Variants in ILRUN observed in about 807,000 individuals in gnomAD.
ILRUN encodes inflammation and lipid regulator with UBA-like and NBR1-like domains.
A neutral mutation model predicts 33.8 loss-of-function variants in ILRUN; 3 were observed. The ratio of observed to expected loss-of-function variants is 0.09; its 90% CI spans 0.04 to 0.23. ILRUN has a LOEUF of 0.23. Ranked by LOEUF, ILRUN falls within the 10% of genes least tolerant of loss-of-function variation. The pLI is 1.00. For synonymous variants in ILRUN, 124 were observed against 138.9 expected, an observed-to-expected ratio of 0.89 and a Z score of 0.75; for missense variants, 210 against 375.1, an observed-to-expected ratio of 0.56 and a Z score of 3.64.
intron 3 of ILRUN, among the ~76,000 whole-genome samples, chr6:34,609,784 A>C (rs1335461068): frequency 1.3e-5 from 2 of 152,188 alleles, no homozygotes; most frequent in Non-Finnish European, 2.9e-5. Context: ...TTTCTCCTCT[A>C]AGAAGAGGAA....
intron 3 of ILRUN, among the ~76,000 whole-genome samples, chr6:34,633,938 G>C (rs1762302248): frequency 7.0e-6 from 1 of 143,382 alleles, no homozygotes; most frequent in Non-Finnish European, 1.5e-5. Context: ...ATCATACAAA[G>C]GATATTCTCT....
intron 3 of ILRUN, among the ~76,000 whole-genome samples, chr6:34,607,985 TG>T (rs1295757780): frequency 6.6e-6 from 1 of 151,786 alleles, no homozygotes; most frequent in African/African-American, 2.4e-5. Flanking sequence ...CCCAGCTACT[TG>T]GGGGACAGAG....
chr6:34,651,162 G>A (rs1562018219), intron 2 of ILRUN, among the ~76,000 whole-genome samples: 1 of 152,134 alleles, frequency 6.6e-6, no homozygotes, highest in Non-Finnish European at 1.5e-5. Context: ...CCAATTTATA[G>A]ATTAAAACTA....
At chr6:34,632,966 T>C (rs537571150) in intron 3 of ILRUN, among the ~76,000 whole-genome samples, 6 of 152,328 alleles carry the variant, frequency 3.9e-5, no homozygotes, top group African/African-American at 1.4e-4. Context: ...TTATATTAAA[T>C]GTGAATAGTC....
chr6:34,678,223 T>A (rs1763280967), intron 1 of ILRUN, among the ~76,000 whole-genome samples: 1 of 152,096 alleles, frequency 6.6e-6, no homozygotes, highest in Non-Finnish European at 1.5e-5. Context: ...TATTTTTTAG[T>A]AGAGACGGGG....
intron 2 of ILRUN, among the ~76,000 whole-genome samples, chr6:34,648,886 T>G (rs1329486749): frequency 6.6e-6 from 1 of 152,196 alleles, no homozygotes; most frequent in Non-Finnish European, 1.5e-5. Flanking sequence ...GTAAATAAGG[T>G]AAACCAAGAC....
At chr6:34,696,106 C>A (rs1338864847) in intron 1 of ILRUN, among the ~76,000 whole-genome samples, 2 of 152,108 alleles carry the variant, frequency 1.3e-5, no homozygotes, top group Non-Finnish European at 1.5e-5. Flanking sequence ...ACACCATAAC[C>A]CTTTTCCTCC....
intron 2 of ILRUN, among the ~76,000 whole-genome samples, chr6:34,647,999 G>A (rs931630669): frequency 9.2e-5 from 14 of 152,266 alleles, no homozygotes; most frequent in Middle Eastern, 3.4e-3. Flanking sequence ...GCGCCCAGCC[G>A]GTACCCACTC....
intron 1 of ILRUN, among the ~76,000 whole-genome samples, chr6:34,679,707 G>C (rs193084151): frequency 3.9e-4 from 59 of 152,266 alleles, no homozygotes; most frequent in Admixed American, 1.4e-3. Context: ...ACCTTATTTG[G>C]AAATAGGGTC....
At chr6:34,612,341 G>A (rs1178768927) in intron 3 of ILRUN, among the ~76,000 whole-genome samples, 1 of 152,146 alleles carries the variant, frequency 6.6e-6, no homozygotes, top group Non-Finnish European at 1.5e-5. Flanking sequence ...TGAGGTGGGA[G>A]GATAGCCTGA....
intron 1 of ILRUN, among the ~76,000 whole-genome samples, chr6:34,662,917 T>A (rs1053109283): frequency 2.0e-5 from 3 of 151,976 alleles, no homozygotes; most frequent in Non-Finnish European, 2.9e-5. Context: ...CTATAAAATT[T>A]AAAAGAAAAT....
chr6:34,650,419 A>T (rs774605153), intron 2 of ILRUN, among the ~76,000 whole-genome samples: 1 of 83,034 alleles, frequency 1.2e-5, no homozygotes, highest in Non-Finnish European at 2.2e-5. Flanking sequence ...TTATTTATTT[A>T]TTTATTTATT....
intron 2 of ILRUN, among the ~76,000 whole-genome samples, chr6:34,651,595 T>TA (rs542728784): frequency 1.4e-4 from 22 of 152,220 alleles, no homozygotes; most frequent in African/African-American, 5.1e-4. Context: ...TTTCAGTATT[T>TA]AAAAACACTG....
chr6:34,684,729 T>C (rs570669590), intron 1 of ILRUN, among the ~76,000 whole-genome samples: 37 of 152,260 alleles, frequency 2.4e-4, no homozygotes, highest in African/African-American at 8.4e-4. Flanking sequence ...AAGGAAAGAA[T>C]AGCATTCTAA....
intron 4 of ILRUN, among the ~76,000 whole-genome samples, chr6:34,603,739 GCTCT>G (rs2127318134): frequency 6.6e-6 from 1 of 152,284 alleles, no homozygotes; most frequent in Non-Finnish European, 1.5e-5. Flanking sequence ...TGACTGAACT[GCTCT>G]CTAATTGCTT....
chr6:34,662,547 A>G (rs1385188386), intron 1 of ILRUN, among the ~76,000 whole-genome samples: 1 of 152,202 alleles, frequency 6.6e-6, no homozygotes, highest in Non-Finnish European at 1.5e-5. Context: ...ATGTAATGGG[A>G]TATTATTTAG....
chr6:34,682,064 G>A lies in ILRUN; in HGVS notation c.158+14382C>T, dbSNP rs1403905471. 2.6e-5 allele frequency among the ~76,000 whole-genome samples: 3 copies of A among 115,220 alleles called. 1 individual carries two copies. The highest frequency in any genetic ancestry group is 4.9e-4 in the South Asian group (2 of 4,070). 75.6% of individuals were successfully genotyped at this position (115,220 alleles called of 152,430 possible). A position where few individuals can be genotyped will look rare whatever the true frequency, so the allele number is the denominator to read the frequency against. On this transcript the variant is annotated intron_variant, in intron 1 of 4. Transcript: ENST00000374023. ...TACTTTTTTTTTTTTTTCTAGAGAC[G>A]GGGTTTCACCATGTTGGCCAGGCTG... is the stretch of plus-strand genomic sequence containing the variant.
chr6:34,624,699 C>T (rs1196127011), intron 3 of ILRUN, among the ~76,000 whole-genome samples: 1 of 152,148 alleles, frequency 6.6e-6, no homozygotes, highest in Non-Finnish European at 1.5e-5. Flanking sequence ...GGTACATCTT[C>T]CAAGGTGAGC....
At chr6:34,640,400 T>C (rs2127355481) in intron 3 of ILRUN, among the ~76,000 whole-genome samples, 1 of 151,968 alleles carries the variant, frequency 6.6e-6, no homozygotes, top group East Asian at 1.9e-4. Context: ...ACTGAAACAA[T>C]CTAAGAGTTA....
Sources: allele counts gnomAD v4.1 joint callset (sites outside exome capture counted in the v4.1 genomes callset), GRCh38; gene constraint gnomAD v4.1.1; transcripts MANE v1.5; gene names NCBI Gene and HGNC (gene_info 2026-07-23, HGNC 2026-07-21).